Variants in PTPRD observed in about 807,000 individuals in gnomAD.
PTPRD encodes protein tyrosine phosphatase receptor type D.
PTPRD carries 34 observed loss-of-function variants against 214.5 expected under a neutral mutation model. That is an observed-to-expected ratio of 0.16 (90% CI 0.12 to 0.21). The LOEUF is 0.21. Ranked by LOEUF, PTPRD falls within the 10% of genes least tolerant of loss-of-function variation. The probability of loss-of-function intolerance (pLI) is 1.00; values close to 1 mark genes in which losing one functional copy is unlikely to be tolerated. For synonymous variants in PTPRD, 1,128 were observed against 845.7 expected, an observed-to-expected ratio of 1.33 and a Z score of -5.79; for missense variants, 2,545 against 2,398.7, an observed-to-expected ratio of 1.06 and a Z score of -1.27.
intron 10 of PTPRD, among the ~76,000 whole-genome samples, chr9:9,174,239 G>C (rs759705507): frequency 2.0e-5 from 3 of 151,982 alleles, no homozygotes; most frequent in Non-Finnish European, 4.4e-5. Flanking sequence ...CTTGAGGGCA[G>C]GTACCATTTT....
intron 5 of PTPRD, among the ~76,000 whole-genome samples, chr9:9,900,791 C>A (rs1443395621): frequency 2.0e-5 from 3 of 151,998 alleles, no homozygotes; most frequent in Non-Finnish European, 4.4e-5. Context: ...CACGTGCCAC[C>A]ACACCCAGCT....
At chr9:8,335,842 A>T (rs1174577269) in intron 43 of PTPRD, among the ~76,000 whole-genome samples, 1 of 152,188 alleles carries the variant, frequency 6.6e-6, no homozygotes, top group Non-Finnish European at 1.5e-5. Flanking sequence ...CCTATATACC[A>T]ATAACAGCCA....
At chr9:8,403,720 A>G (rs1373072766) in intron 36 of PTPRD, among the ~76,000 whole-genome samples, 3 of 152,262 alleles carry the variant, frequency 2.0e-5, no homozygotes, top group Non-Finnish European at 4.4e-5. Context: ...GAGGCAGATT[A>G]CCAAGCAGTC....
At chr9:9,435,498 A>C (rs1272003172) in intron 8 of PTPRD, among the ~76,000 whole-genome samples, 1 of 152,170 alleles carries the variant, frequency 6.6e-6, no homozygotes, top group Non-Finnish European at 1.5e-5. Context: ...CCTGGATGAC[A>C]GAGCAAGACC....
At chr9:9,244,174 A>G (rs200122398) in intron 9 of PTPRD, among the ~76,000 whole-genome samples, 2 of 152,164 alleles carry the variant, frequency 1.3e-5, no homozygotes, top group Non-Finnish European at 2.9e-5. Context: ...ATGCTCATGG[A>G]TAGGAAGAAT....
chr9:9,330,343 A>C (rs1049311869), intron 9 of PTPRD, among the ~76,000 whole-genome samples: 6 of 152,168 alleles, frequency 3.9e-5, no homozygotes, highest in African/African-American at 1.4e-4. Context: ...GTATAAGAAG[A>C]AATACATATA....
intron 11 of PTPRD, among the ~76,000 whole-genome samples, chr9:8,989,492 A>G (rs1278046106): frequency 6.6e-6 from 1 of 152,086 alleles, no homozygotes; most frequent in South Asian, 2.1e-4. Flanking sequence ...TTCACTTACT[A>G]TAATGACCTC....
chr9:9,669,937 C>A (rs2096795514), intron 7 of PTPRD, among the ~76,000 whole-genome samples: 1 of 152,124 alleles, frequency 6.6e-6, no homozygotes. Flanking sequence ...AATTCATTTA[C>A]CATATCCCTT....
At chr9:8,336,345 T>A (rs1846655027) in intron 43 of PTPRD, among the ~76,000 whole-genome samples, 1 of 149,228 alleles carries the variant, frequency 6.7e-6, no homozygotes, top group Admixed American at 6.6e-5. Context: ...AAAACAAGAA[T>A]GGGGAAAGGC....
intron 30 of PTPRD, among the ~76,000 whole-genome samples, chr9:8,481,096 C>T (rs1359865020): frequency 2.9e-5 from 4 of 138,300 alleles, no homozygotes; most frequent in Admixed American, 1.6e-4. Context: ...GCAGAGATGG[C>T]GCCACTGCAC....
chr9:9,367,076 C>T (rs2058086099), intron 9 of PTPRD, among the ~76,000 whole-genome samples: 1 of 151,274 alleles, frequency 6.6e-6, no homozygotes, highest in Admixed American at 6.6e-5. Context: ...AACCCTTTGT[C>T]CCACAGAAAA....
In PTPRD at chr9:9,704,050, A is replaced by G. The variant is rs530672743; in HGVS notation, c.-287+30483T>C. 3.5e-3 allele frequency among the ~76,000 whole-genome samples: 517 copies of G among 148,224 alleles called. 4 individuals carry two copies. Among genetic ancestry groups the G allele is most frequent in the African/African-American group, 0.012 (489 of 39,620 alleles). Reference sequence around the variant, plus strand: ...GGCATGAGCCACTGCACCTGGCCTAATTTTAGTTTTTATTTTAAAAATGAA... The same window carrying G: ...GGCATGAGCCACTGCACCTGGCCTAGTTTTAGTTTTTATTTTAAAAATGAA... On this transcript the variant is annotated intron_variant, in intron 7 of 45. Transcript: ENST00000381196.
intron 8 of PTPRD, among the ~76,000 whole-genome samples, chr9:9,529,787 T>C (rs114228242): frequency 0.012 from 1,762 of 151,768 alleles, 39 homozygotes; most frequent in African/African-American, 0.04. Flanking sequence ...ATTTACCCAA[T>C]GAATATATAT....
intron 30 of PTPRD, among the ~76,000 whole-genome samples, chr9:8,472,354 C>T (rs1378019041): frequency 2.0e-5 from 3 of 152,186 alleles, no homozygotes; most frequent in Non-Finnish European, 4.4e-5. Flanking sequence ...AGGAAGGACA[C>T]TCCCAACCCT....
At chr9:10,091,612 C>G (rs767561765) in intron 3 of PTPRD, among the ~76,000 whole-genome samples, 1 of 151,450 alleles carries the variant, frequency 6.6e-6, no homozygotes, top group Non-Finnish European at 1.5e-5. Context: ...GAATTGTCAA[C>G]TGCATGTCAA....
chr9:9,254,724 G>A (rs1031060798), intron 9 of PTPRD, among the ~76,000 whole-genome samples: 11 of 152,108 alleles, frequency 7.2e-5, no homozygotes, highest in African/African-American at 2.6e-4. Context: ...AGAAATCTCA[G>A]CATACAAACA....
chr9:9,828,087 T>A (rs1273593575), intron 5 of PTPRD, among the ~76,000 whole-genome samples: 2 of 152,098 alleles, frequency 1.3e-5, no homozygotes, highest in Admixed American at 1.3e-4. Context: ...CTTGTGGAAG[T>A]CAGTGTGGCG....
intron 3 of PTPRD, among the ~76,000 whole-genome samples, chr9:10,150,604 C>T (rs771366860): frequency 2.0e-5 from 3 of 150,132 alleles, no homozygotes; most frequent in Non-Finnish European, 4.4e-5. Flanking sequence ...CACATGTATA[C>T]ATATGTAACA....
intron 2 of PTPRD, among the ~76,000 whole-genome samples, chr9:10,562,275 GTTC>G (rs1449313613): frequency 1.3e-5 from 2 of 151,064 alleles, no homozygotes; most frequent in East Asian, 1.9e-4. Flanking sequence ...TGAGTATTCA[GTTC>G]TTCTTCAACG....
Sources: allele counts gnomAD v4.1 joint callset (sites outside exome capture counted in the v4.1 genomes callset), GRCh38; gene constraint gnomAD v4.1.1; transcripts MANE v1.5; gene names NCBI Gene and HGNC (gene_info 2026-07-23, HGNC 2026-07-21).